The following FBLN5 variants were observed in gnomAD, a reference collection of about 807,000 sequenced individuals.
The protein encoded by FBLN5 is fibulin 5.
A neutral mutation model predicts 61.6 loss-of-function variants in FBLN5; 24 were observed. That is an observed-to-expected ratio of 0.39 (90% CI 0.28 to 0.55). The LOEUF is 0.55. FBLN5 is among the 20% of genes least tolerant of loss of function. FBLN5 has a pLI of 0.65. For synonymous variants in FBLN5, 213 were observed against 219.8 expected (o/e 0.97, Z 0.27); for missense variants, 470 against 594.1 (o/e 0.79, Z 2.17).
At position 91,946,811 on chromosome 14, in the gene FBLN5, C is replaced by T. The variant is rs575943621; in HGVS notation, c.17+402G>A. ...ATCCAGCCCCGCGGTGTTCAGCTAGCCTGTCTGCTTGTCTATCAGCCGATG... is the reference window on the plus strand; with the variant it reads ...ATCCAGCCCCGCGGTGTTCAGCTAGTCTGTCTGCTTGTCTATCAGCCGATG... On this transcript the variant is annotated intron_variant, in intron 1 of 10. Coordinates refer to ENST00000342058, the MANE Select transcript of FBLN5 (RefSeq NM_006329.4). 7 of 1,534,122 alleles carry T rather than the reference C, an allele frequency of 4.6e-6. No individual in the cohort carries two copies. The South Asian group carries it at 8.4e-5, about 18-fold the overall frequency.
chr14:91,942,872 C>T (rs751863037), intron 2 of FBLN5, 35 bp downstream of exon 2: 39 of 1,386,450 alleles, frequency 2.8e-5, no homozygotes, highest in South Asian at 7.4e-5. Context: ...GATTTTAATA[C>T]GCTTGTAGAT....
At chr14:91,881,597 T>C (rs1346702746) in intron 8 of FBLN5, among the ~76,000 whole-genome samples, 179 bp from the exon 9 acceptor site, 1 of 150,440 alleles carries the variant, frequency 6.6e-6, no homozygotes, top group Non-Finnish European at 1.5e-5. Flanking sequence ...GTGCTGTAAG[T>C]AGAAAATACA....
chr14:91,891,206 A>G lies in FBLN5; in HGVS notation c.619+15T>C. The G allele has an allele frequency of 7.1e-7, 1 of 1,414,142 alleles. No individual in the cohort carries two copies. The highest frequency in any genetic ancestry group is 1.0e-6 in the Non-Finnish European group (1 of 997,156). The allele number at this position is 1,414,142 out of a possible 1,614,324, so 87.6% of individuals were successfully genotyped here. ...TGTCTCACATCATGTCCAAGTTATCATGCACGTCACATACCTTGGCAAGAC... is the reference window on the plus strand; with the variant it reads ...TGTCTCACATCATGTCCAAGTTATCGTGCACGTCACATACCTTGGCAAGAC... On this transcript the variant is annotated intron_variant, in intron 6 of 10. Coordinates refer to ENST00000342058, the MANE Select transcript of FBLN5 (RefSeq NM_006329.4).
chr14:91,882,905 G>C lies in FBLN5; in HGVS notation c.862+49C>G. On this transcript the variant is annotated intron_variant, in intron 8 of 10. Transcript: ENST00000342058. This position sits in a 1 kb window ranked among gnomAD's most constrained non-coding sequence, Gnocchi z 4.9. ...GATATCCAGATGAGCCCCTGAAGCA[G>C]CTCCACCTCACACATACACCCCAGC... The C allele has an allele frequency of 6.2e-7, 1 of 1,606,880 alleles. No individual in the cohort carries two copies.
chr14:91,945,709 G>A lies in FBLN5; in HGVS notation c.17+1504C>T, dbSNP rs377546864. Among the ~76,000 whole-genome samples, 10 of 152,148 alleles carry A rather than the reference G, an allele frequency of 6.6e-5. No individual in the cohort carries two copies. In the South Asian group the frequency reaches 1.9e-3, roughly 28 times the overall value. On this transcript the variant is annotated intron_variant, in intron 1 of 10. Transcript: ENST00000342058. ...CCTGATACGATCTTAGGAGATGCGA[G>A]GCCATTTCCTTTATCGAGTCCCCAA...
intron 4 of FBLN5, among the ~76,000 whole-genome samples, chr14:91,918,090 A>G (rs1274517421): frequency 2.0e-5 from 3 of 152,344 alleles, no homozygotes; most frequent in Non-Finnish European, 4.4e-5. Flanking sequence ...AGAATAAGGT[A>G]AAGGTGGGAG....
chr14:91,921,124 A>T (rs1431777102), intron 4 of FBLN5, among the ~76,000 whole-genome samples: 1 of 152,252 alleles, frequency 6.6e-6, no homozygotes, highest in African/African-American at 2.4e-5. Flanking sequence ...AAAATCCGTC[A>T]CCTGGGATTT....
intron 10 of FBLN5, chr14:91,873,763 T>C (rs541042876): frequency 6.6e-6 from 1 of 152,374 alleles, no homozygotes; most frequent in African/African-American, 2.4e-5. Flanking sequence ...ACCAGCTGTG[T>C]GTCTTCTTGG....
intron 4 of FBLN5, among the ~76,000 whole-genome samples, chr14:91,935,907 C>G (rs1183603388): frequency 6.6e-6 from 1 of 152,192 alleles, no homozygotes; most frequent in Non-Finnish European, 1.5e-5. Flanking sequence ...ACACAGAGAC[C>G]ACACGCCTTG....
chr14:91,884,276 C>G (rs141696400), intron 7 of FBLN5, among the ~76,000 whole-genome samples: 1 of 152,324 alleles, frequency 6.6e-6, no homozygotes, highest in African/African-American at 2.4e-5. Flanking sequence ...TGAAAAGTCA[C>G]GTGTGCTCAG....
chr14:91,895,030 G>A lies in FBLN5; in HGVS notation c.422C>T (p.Thr141Ile), dbSNP rs1890163941. Reference protein sequence around the residue: ...CATDSHQCNPTQICINTEGGY... With the variant: ...CATDSHQCNPIQICINTEGGY... ...GCCTTCAGTATTGATGCAGATCTGGGTGGGGTTGCACTGGTGGGAATCTGT... is the reference window on the plus strand; with the variant it reads ...GCCTTCAGTATTGATGCAGATCTGGATGGGGTTGCACTGGTGGGAATCTGT... The change falls in exon 5 of 11, where the codon ACC (threonine) becomes ATC (isoleucine). Residue 141 changes from threonine (T) to isoleucine (I), a missense_variant. Coordinates refer to ENST00000342058, the MANE Select transcript of FBLN5 (RefSeq NM_006329.4). 2 of 1,614,154 alleles carry A rather than the reference G, an allele frequency of 1.2e-6. No homozygotes were observed. The highest frequency in any genetic ancestry group is 2.7e-5 in the African/African-American group (2 of 75,036).
chr14:91,894,822 C>T, intron 5 of FBLN5, 128 bp downstream of exon 5: 1 of 417,554 alleles, frequency 2.4e-6, no homozygotes. Context: ...TAGCCTTCCA[C>T]CCCTCCCGCC....
chr14:91,920,977 G>A (rs1327603961), intron 4 of FBLN5, among the ~76,000 whole-genome samples: 1 of 152,250 alleles, frequency 6.6e-6, no homozygotes, highest in African/African-American at 2.4e-5. Flanking sequence ...CCAAAGGCTA[G>A]TAGGCCTGAG....
chr14:91,885,025 A>C (rs1306193599), intron 7 of FBLN5, among the ~76,000 whole-genome samples: 2 of 152,192 alleles, frequency 1.3e-5, no homozygotes, highest in Non-Finnish European at 2.9e-5. Context: ...AGACAAGGCT[A>C]GGAGGGGTCT....
chr14:91,917,185 A>G (rs146215042), intron 4 of FBLN5, among the ~76,000 whole-genome samples: 1 of 152,226 alleles, frequency 6.6e-6, no homozygotes, highest in African/African-American at 2.4e-5. Flanking sequence ...AGAGATAGTC[A>G]TTGGAGAGAG....
At chr14:91,889,282 C>T (rs1396804893) in intron 6 of FBLN5, among the ~76,000 whole-genome samples, 1 of 152,320 alleles carries the variant, frequency 6.6e-6, no homozygotes, top group East Asian at 1.9e-4. Context: ...TCTGGCCAGG[C>T]GCTGGCCACT....
chr14:91,919,239 GA>G (rs1363749449), intron 4 of FBLN5, among the ~76,000 whole-genome samples: 1 of 151,290 alleles, frequency 6.6e-6, no homozygotes, highest in Non-Finnish European at 1.5e-5. Flanking sequence ...GCTGAGGCAG[GA>G]AAATGATGTG....
chr14:91,903,180 T>C (rs1343059051), intron 4 of FBLN5, among the ~76,000 whole-genome samples: 1 of 152,144 alleles, frequency 6.6e-6, no homozygotes, highest in Non-Finnish European at 1.5e-5. Context: ...ATAACAGAGT[T>C]GTTATTTTTG....
Position 91,943,916 on chromosome 14 carries a change from C to T in FBLN5, c.18-955G>A, listed in dbSNP as rs1001312259. On this transcript the variant is annotated intron_variant, in intron 1 of 10. Transcript: ENST00000342058. The surrounding 1 kb of genome is among the most constrained non-coding windows in gnomAD (Gnocchi z 4.0). ...CGCGGGAAAACAGGAGGAGGAGTCA[C>T]GCACCCTGGGCTCAGTTCTGCCATG... Among the ~76,000 whole-genome samples, 1 of 152,190 alleles carries T rather than the reference C, an allele frequency of 6.6e-6. No individual in the cohort carries two copies.
Sources: gnomAD v4.1 joint callset for allele counts (sites outside exome capture counted in the v4.1 genomes callset) on GRCh38, gnomAD v4.1.1 for gene constraint, Gnocchi (gnomAD v3.1) non-coding constraint, MANE v1.5 for transcripts, NCBI Gene and HGNC (gene_info 2026-07-23, HGNC 2026-07-21) for gene names.